Variants in CAMK1D observed in about 807,000 individuals in gnomAD.
CAMK1D encodes calcium/calmodulin dependent protein kinase ID, also known as calcium/calmodulin-dependent protein kinase type 1D.
CAMK1D carries 9 observed loss-of-function variants against 47.7 expected under a neutral mutation model. That is an observed-to-expected ratio of 0.19 (90% CI 0.11 to 0.33). The LOEUF is 0.33. Ranked by LOEUF, CAMK1D falls within the 10% of genes least tolerant of loss-of-function variation. The pLI, the probability that CAMK1D is intolerant of heterozygous loss-of-function variation, is 1.00. For missense variants in CAMK1D, 291 were observed against 488.7 expected (o/e 0.60, Z 3.81); for synonymous variants, 184 against 184.9 (o/e 0.99, Z 0.04).
intron 3 of CAMK1D, among the ~76,000 whole-genome samples, chr10:12,721,344 C>T (rs1564516198): frequency 6.6e-6 from 1 of 152,192 alleles, no homozygotes; most frequent in Non-Finnish European, 1.5e-5. Flanking sequence ...ATAAAAACAC[C>T]TTCTGGAACT....
chr10:12,424,081 G>A (rs902926386), intron 1 of CAMK1D, among the ~76,000 whole-genome samples: 1 of 151,986 alleles, frequency 6.6e-6, no homozygotes, highest in Non-Finnish European at 1.5e-5. Context: ...CTTCTCCCTC[G>A]CATGTCCCCA....
intron 6 of CAMK1D, among the ~76,000 whole-genome samples, chr10:12,804,937 CA>C (rs145584740): frequency 0.021 from 1,096 of 50,992 alleles, 11 homozygotes; most frequent in African/African-American, 0.087. Context: ...GACCCTGTCT[CA>C]AAAAAAAAAA....
At chr10:12,767,426 C>T (rs947975063) in intron 4 of CAMK1D, among the ~76,000 whole-genome samples, 1 of 152,170 alleles carries the variant, frequency 6.6e-6, no homozygotes, top group Non-Finnish European at 1.5e-5. Flanking sequence ...ATCCCCTCTC[C>T]TCAGTCTCCC....
intron 2 of CAMK1D, among the ~76,000 whole-genome samples, chr10:12,650,557 G>C (rs760327425): frequency 6.6e-6 from 1 of 152,142 alleles, no homozygotes; most frequent in Non-Finnish European, 1.5e-5. Context: ...TTTTATGTGA[G>C]GTGTCTGCAC....
At chr10:12,385,739 CTTTTTTTTTT>C (rs71384318) in intron 1 of CAMK1D, among the ~76,000 whole-genome samples, 5 of 100,546 alleles carry the variant, frequency 5.0e-5, no homozygotes, top group Admixed American at 1.2e-4. Flanking sequence ...TTGAATTGTA[CTTTTTTTTTT>C]TTTTTTTTTT....
chr10:12,689,215 A>C (rs992110895), intron 3 of CAMK1D, among the ~76,000 whole-genome samples: 1 of 152,184 alleles, frequency 6.6e-6, no homozygotes, highest in African/African-American at 2.4e-5. Context: ...TGGGGCACCA[A>C]CTTTAGTCAT....
intron 2 of CAMK1D, among the ~76,000 whole-genome samples, chr10:12,649,283 T>C (rs1221209241): frequency 6.6e-6 from 1 of 152,136 alleles, no homozygotes; most frequent in Non-Finnish European, 1.5e-5. Context: ...AGGTTCCAAG[T>C]GTGAGTGAAT....
At chr10:12,761,199 A>C (rs1195800494) in intron 4 of CAMK1D, 113 bp downstream of exon 4, 11 of 1,275,046 alleles carry the variant, frequency 8.6e-6, no homozygotes, top group Non-Finnish European at 1.1e-5. Flanking sequence ...GAGTGGGTGC[A>C]GCAGATGGTG....
At chr10:12,384,076 AAG>A (rs1252103277) in intron 1 of CAMK1D, among the ~76,000 whole-genome samples, 3 of 152,246 alleles carry the variant, frequency 2.0e-5, no homozygotes, top group Non-Finnish European at 2.9e-5. Flanking sequence ...AAAATAAAAA[AAG>A]AAATTAAGAG....
At chr10:12,480,406 G>T (rs573980986) in intron 1 of CAMK1D, among the ~76,000 whole-genome samples, 5 of 152,152 alleles carry the variant, frequency 3.3e-5, no homozygotes, top group African/African-American at 9.6e-5. Context: ...CTGCACTCCA[G>T]CTTGAGCGAC....
intron 1 of CAMK1D, among the ~76,000 whole-genome samples, chr10:12,357,874 T>C (rs1376817741): frequency 6.6e-6 from 1 of 151,926 alleles, no homozygotes; most frequent in Non-Finnish European, 1.5e-5. Context: ...TTGATTTTCT[T>C]TTCTTTTCTT....
At chr10:12,758,924 G>T (rs74430206) in intron 3 of CAMK1D, among the ~76,000 whole-genome samples, 3 of 152,236 alleles carry the variant, frequency 2.0e-5, no homozygotes, top group Admixed American at 2.0e-4. Context: ...GGGGGCCTAT[G>T]TGGAAGGGCA....
At chr10:12,574,136 C>T (rs1365944196) in intron 2 of CAMK1D, among the ~76,000 whole-genome samples, 1 of 152,200 alleles carries the variant, frequency 6.6e-6, no homozygotes, top group Non-Finnish European at 1.5e-5. Flanking sequence ...AGTTGCCAAA[C>T]ATCATAGCCT....
Position 12,480,876 on chromosome 10 carries a change from A to G in CAMK1D, c.93-72349A>G, listed in dbSNP as rs115109256. Among the ~76,000 whole-genome samples the G allele has an allele frequency of 5.3e-3, 804 of 152,364 alleles. 12 individuals are homozygous for G. The highest frequency in any genetic ancestry group is 0.019 in the African/African-American group (780 of 41,584). ...CAAGCATGAAACTGCCTTTGCAAAA[A>G]TTGTAACAGTGAGAAAAAATAAGAC... On this transcript the variant is annotated intron_variant, in intron 1 of 10. Transcript: ENST00000619168.
rs146655684 is a variant in CAMK1D, at chr10:12,366,525, A to G, written c.92+16615A>G. On this transcript the variant is annotated intron_variant, in intron 1 of 10. Transcript: ENST00000619168. ...AAAAAAAAAATTAGCCAGGCCTGGT[A>G]GCGCATGCCTGTAATCCTGGCTACT... Among the ~76,000 whole-genome samples the G allele has an allele frequency of 3.6e-3, 550 of 151,348 alleles. 7 individuals are homozygous for G. In the East Asian group the frequency reaches 0.037, roughly 10 times the overall value.
chr10:12,674,175 C>A (rs965911799), intron 3 of CAMK1D, among the ~76,000 whole-genome samples: 1 of 152,182 alleles, frequency 6.6e-6, no homozygotes, highest in African/African-American at 2.4e-5. Flanking sequence ...AAACCCCTGA[C>A]CTCAAGCAAT....
rs144415543 is a variant in CAMK1D, at chr10:12,361,610, C to T, written c.92+11700C>T. Among the ~76,000 whole-genome samples the T allele has an allele frequency of 2.6e-3, 350 of 135,194 alleles. 3 individuals carry two copies. Among genetic ancestry groups the T allele is most frequent in the Middle Eastern group, 0.025 (5 of 198 alleles). The allele number at this position is 135,194 out of a possible 152,430, so 88.7% of individuals were successfully genotyped here. A position where few individuals can be genotyped will look rare whatever the true frequency, so the allele number is the denominator to read the frequency against. ...TCGCTCTGTGGCCCAGGCTGGAGTG[C>T]AGTGGCGTAATCTCTGCTCACGGAA... On this transcript the variant is annotated intron_variant, in intron 1 of 10. Coordinates refer to ENST00000619168, the MANE Select transcript of CAMK1D (RefSeq NM_153498.4).
At chr10:12,457,117 A>G (rs1372572159) in intron 1 of CAMK1D, among the ~76,000 whole-genome samples, 1 of 152,160 alleles carries the variant, frequency 6.6e-6, no homozygotes, top group African/African-American at 2.4e-5. Flanking sequence ...CTGTCCAGGC[A>G]TGGTGGCTCA....
At position 12,494,494 on chromosome 10, in the gene CAMK1D, T is replaced by A. The variant is rs555041472; in HGVS notation, c.93-58731T>A. Among the ~76,000 whole-genome samples, 25 of 152,258 alleles carry A rather than the reference T, an allele frequency of 1.6e-4. No homozygotes were observed. The East Asian group carries it at 3.9e-3, about 23-fold the overall frequency. On this transcript the variant is annotated intron_variant, in intron 1 of 10. Transcript: ENST00000619168. ...AAATCTGATGTCCCCAACCCTGCAT[T>A]TCAGTTTAGTGCATCATAAAGCCAG...
Sources: gnomAD v4.1 joint callset for allele counts (sites outside exome capture counted in the v4.1 genomes callset) on GRCh38, gnomAD v4.1.1 for gene constraint, MANE v1.5 for transcripts, NCBI Gene and HGNC (gene_info 2026-07-23, HGNC 2026-07-21) for gene names.